Variants in TIPIN observed in about 807,000 individuals in gnomAD.
TIPIN encodes the protein TIMELESS interacting protein.
Under a neutral mutation model 35.6 loss-of-function variants are expected in TIPIN, and 29 were observed. The observed-to-expected ratio is 0.82, with a 90% CI of 0.61 to 1.11. The LOEUF (loss-of-function observed/expected upper bound fraction) is 1.11. TIPIN is among the 50% of genes most tolerant of loss of function. TIPIN has a pLI of 0.00. For synonymous variants in TIPIN, 102 were observed against 121.5 expected, an observed-to-expected ratio of 0.84 and a Z score of 1.06; for missense variants, 296 against 345.4, an observed-to-expected ratio of 0.86 and a Z score of 1.13.
intron 6 of TIPIN, among the ~76,000 whole-genome samples, chr15:66,345,296 G>A (rs2093117015): frequency 6.6e-6 from 1 of 152,138 alleles, no homozygotes; most frequent in African/African-American, 2.4e-5. Context: ...AACAGCTGGA[G>A]GCCAAGCACA....
chr15:66,375,371 T>C (rs1450063400), intron 1 of TIPIN, among the ~76,000 whole-genome samples: 1 of 151,390 alleles, frequency 6.6e-6, no homozygotes, highest in Non-Finnish European at 1.5e-5. Context: ...ACAAGGGTCT[T>C]GCTATGTGGC....
intron 1 of TIPIN, among the ~76,000 whole-genome samples, chr15:66,370,471 G>A (rs2093273777): frequency 6.6e-6 from 1 of 152,028 alleles, no homozygotes; most frequent in Non-Finnish European, 1.5e-5. Context: ...TCCTTGGTGG[G>A]GGGCTGGAGG....
At position 66,352,860 on chromosome 15, in the gene TIPIN, C is replaced by T. The variant is rs757031264; in HGVS notation, c.88G>A (p.Ala30Thr). The T allele has an allele frequency of 1.2e-5, 20 of 1,613,636 alleles. No homozygotes were observed. In the African/African-American group the frequency reaches 1.7e-4, roughly 14 times the overall value. ...DETFPPFPPP[A>T]SPERQDGEGT... is the part of the protein sequence containing the mutation. ...TCACCATCTTGTCTCTCTGGAGAGGCTGGAGGTGGGAAAGGAGGAAAAGTT... is the reference window on the plus strand; with the variant it reads ...TCACCATCTTGTCTCTCTGGAGAGGTTGGAGGTGGGAAAGGAGGAAAAGTT... Residue 30 changes from alanine (A) to threonine (T), a missense_variant, in exon 2 of 8, where the codon GCC (alanine) becomes ACC (threonine). By Grantham distance (58) the Ala-to-Thr change is moderately conservative. Coordinates refer to ENST00000261881, the MANE Select transcript of TIPIN (RefSeq NM_017858.3).
At chr15:66,386,292 A>C (rs1428138942) in intron 1 of TIPIN, 1 of 144,214 alleles carries the variant, frequency 6.9e-6, no homozygotes, top group African/African-American at 2.6e-5. Context: ...ACACCGTCTT[A>C]AAAAAAAAAA....
chr15:66,371,104 G>C (rs138323183), intron 1 of TIPIN: 1 of 405,356 alleles, frequency 2.5e-6, no homozygotes, highest in Non-Finnish European at 3.3e-6. Context: ...CCAGCTACTC[G>C]GAAGGCTGAG....
intron 6 of TIPIN, among the ~76,000 whole-genome samples, chr15:66,347,561 T>C (rs1000185322): frequency 8.5e-5 from 13 of 152,268 alleles, no homozygotes; most frequent in South Asian, 6.2e-4. Flanking sequence ...ACAAATTTGA[T>C]ATACAACATT....
At chr15:66,384,940 AC>A (rs201119208) in intron 1 of TIPIN, among the ~76,000 whole-genome samples, 1 of 151,142 alleles carries the variant, frequency 6.6e-6, no homozygotes, top group Non-Finnish European at 1.5e-5. Flanking sequence ...AAACAAAAAC[AC>A]CCCCCCAAAA....
chr15:66,375,967 G>A (rs1415419900), intron 1 of TIPIN, among the ~76,000 whole-genome samples: 4 of 151,930 alleles, frequency 2.6e-5, no homozygotes, highest in South Asian at 2.1e-4. Context: ...CAGTCACGGC[G>A]GCGCACGCCT....
intron 1 of TIPIN, among the ~76,000 whole-genome samples, chr15:66,371,721 G>A (rs1222350628): frequency 6.6e-6 from 1 of 151,890 alleles, no homozygotes; most frequent in Non-Finnish European, 1.5e-5. Context: ...GTTTCACCGT[G>A]TTGGCCAGAA....
chr15:66,369,076 T>C (rs2093268364), intron 1 of TIPIN, among the ~76,000 whole-genome samples: 1 of 152,178 alleles, frequency 6.6e-6, no homozygotes, highest in Non-Finnish European at 1.5e-5. Flanking sequence ...ACTCTTTAAA[T>C]GCAAAAGCCG....
chr15:66,343,388 T>G (rs1442164826), intron 6 of TIPIN, among the ~76,000 whole-genome samples: 1 of 152,208 alleles, frequency 6.6e-6, no homozygotes, highest in East Asian at 1.9e-4. Flanking sequence ...TTATCCTTGT[T>G]CTATGTATAT....
chr15:66,338,075 G>A (rs1020599904), intron 7 of TIPIN, among the ~76,000 whole-genome samples: 3 of 152,056 alleles, frequency 2.0e-5, no homozygotes, highest in African/African-American at 7.2e-5. Context: ...GGCCAATATG[G>A]TGAAACCCTG....
At chr15:66,378,962 G>A (rs1355142297) in intron 1 of TIPIN, among the ~76,000 whole-genome samples, 1 of 152,136 alleles carries the variant, frequency 6.6e-6, no homozygotes, top group South Asian at 2.1e-4. Context: ...GTCTCACTAT[G>A]TTGACTAGGC....
At chr15:66,373,871 T>A (rs945527278) in intron 1 of TIPIN, among the ~76,000 whole-genome samples, 1 of 151,776 alleles carries the variant, frequency 6.6e-6, no homozygotes, top group Non-Finnish European at 1.5e-5. Flanking sequence ...CCTGGCTAAT[T>A]TTTAAATCTT....
chr15:66,371,230 G>A, intron 1 of TIPIN: 1 of 979,938 alleles, frequency 1.0e-6, no homozygotes, highest in Non-Finnish European at 1.2e-6. Context: ...AAGTGTAAGT[G>A]TATCAAGCTT....
At chr15:66,343,213 G>T in intron 6 of TIPIN, among the ~76,000 whole-genome samples, 1 of 152,088 alleles carries the variant, frequency 6.6e-6, no homozygotes, top group Admixed American at 6.6e-5. Context: ...CAAAATGCCT[G>T]TAGGTAGAAT....
intron 1 of TIPIN, among the ~76,000 whole-genome samples, chr15:66,375,782 G>A (rs182946665): frequency 2.9e-5 from 3 of 102,922 alleles, no homozygotes; most frequent in East Asian, 3.2e-4. Flanking sequence ...TTGTGCTTAC[G>A]GAAATTTTCT....
chr15:66,380,747 G>A (rs2093315919), intron 1 of TIPIN, among the ~76,000 whole-genome samples: 1 of 152,020 alleles, frequency 6.6e-6, no homozygotes, highest in Non-Finnish European at 1.5e-5. Flanking sequence ...CCTGGGAGGC[G>A]TAGGTTGCAG....
intron 1 of TIPIN, among the ~76,000 whole-genome samples, chr15:66,383,330 T>C (rs2093324774): frequency 6.6e-6 from 1 of 152,012 alleles, no homozygotes; most frequent in African/African-American, 2.4e-5. Context: ...TGGAGTGATC[T>C]TGGCTCACTG....
Sources: allele counts gnomAD v4.1 joint callset (sites outside exome capture counted in the v4.1 genomes callset), GRCh38; gene constraint gnomAD v4.1.1; transcripts MANE v1.5; gene names NCBI Gene and HGNC (gene_info 2026-07-23, HGNC 2026-07-21).